Variants in GSK3B observed in about 807,000 individuals in gnomAD.
GSK3B encodes glycogen synthase kinase-3 beta.
A neutral mutation model predicts 56.4 loss-of-function variants in GSK3B; 15 were observed. That is an observed-to-expected ratio of 0.27 (90% confidence interval 0.18 to 0.41). The LOEUF (loss-of-function observed/expected upper bound fraction) is 0.41. Among genes scored for constraint, GSK3B ranks in the 10% least tolerant of loss-of-function variants. The pLI, the probability that GSK3B is intolerant of heterozygous loss-of-function variation, is 1.00. For synonymous variants in GSK3B, 181 were observed against 188.9 expected (o/e 0.96, Z 0.34); for missense variants, 300 against 513.4 (o/e 0.58, Z 4.02).
intron 1 of GSK3B, among the ~76,000 whole-genome samples, chr3:120,071,698 T>C (rs1331393222): frequency 3.9e-5 from 6 of 152,160 alleles, no homozygotes; most frequent in Non-Finnish European, 5.9e-5. Flanking sequence ...CTATGATGAG[T>C]TGTATAACTA....
At chr3:119,861,775 T>C (rs1175491823) in intron 9 of GSK3B, among the ~76,000 whole-genome samples, 3 of 152,140 alleles carry the variant, frequency 2.0e-5, no homozygotes, top group Admixed American at 6.5e-5. Context: ...TTCAATAATA[T>C]ACTTAGTATG....
chr3:119,928,658 A>T (rs574822532), intron 3 of GSK3B, among the ~76,000 whole-genome samples: 6 of 150,990 alleles, frequency 4.0e-5, no homozygotes, highest in African/African-American at 1.5e-4. Context: ...ATAAGAAGCA[A>T]GATTCTAGAA....
At chr3:119,867,166 T>G (rs913114278) in intron 8 of GSK3B, among the ~76,000 whole-genome samples, 1 of 152,196 alleles carries the variant, frequency 6.6e-6, no homozygotes, top group African/African-American at 2.4e-5. Flanking sequence ...AGGAAAGTAA[T>G]AAATATATTT....
chr3:120,071,565 G>C (rs2058326994), intron 1 of GSK3B, among the ~76,000 whole-genome samples: 1 of 152,114 alleles, frequency 6.6e-6, no homozygotes, highest in African/African-American at 2.4e-5. Flanking sequence ...ACATGCGAGG[G>C]ATCTAGGTGC....
At chr3:120,071,266 ATTTTTATCTACTATCTAGTTC>A in intron 1 of GSK3B, among the ~76,000 whole-genome samples, 1 of 152,208 alleles carries the variant, frequency 6.6e-6, no homozygotes, top group Non-Finnish European at 1.5e-5. Flanking sequence ...CTCAGTGCTC[ATTTTTATCTACTATCTAGTTC>A]CCATCTTAAT....
At chr3:119,864,956 A>G (rs2056157627) in intron 8 of GSK3B, among the ~76,000 whole-genome samples, 1 of 152,184 alleles carries the variant, frequency 6.6e-6, no homozygotes, top group African/African-American at 2.4e-5. Flanking sequence ...ACCTTTTTGT[A>G]AGGTCAAAAC....
chr3:119,914,750 A>G (rs2056765109), intron 5 of GSK3B, among the ~76,000 whole-genome samples: 1 of 152,122 alleles, frequency 6.6e-6, no homozygotes, highest in Admixed American at 6.6e-5. Context: ...AACTCATGAC[A>G]GAACAGATTT....
intron 8 of GSK3B, among the ~76,000 whole-genome samples, chr3:119,864,634 G>A (rs899603534): frequency 6.6e-6 from 1 of 152,174 alleles, no homozygotes; most frequent in Admixed American, 6.5e-5. Context: ...AAAAGCCCAC[G>A]CAGATTGTGA....
chr3:119,970,592 A>T (rs2057356102), intron 2 of GSK3B, among the ~76,000 whole-genome samples: 1 of 148,540 alleles, frequency 6.7e-6, no homozygotes, highest in Non-Finnish European at 1.5e-5. Flanking sequence ...CAACACAGTG[A>T]AACCCCGTCT....
At chr3:120,025,466 G>C (rs187199002) in intron 1 of GSK3B, among the ~76,000 whole-genome samples, 1 of 152,228 alleles carries the variant, frequency 6.6e-6, no homozygotes, top group East Asian at 1.9e-4. Flanking sequence ...TGAATGCAGA[G>C]GGAATCACTT....
chr3:119,835,642 T>G (rs1265454739), intron 10 of GSK3B, among the ~76,000 whole-genome samples: 2 of 152,378 alleles, frequency 1.3e-5, no homozygotes, highest in South Asian at 4.1e-4. Flanking sequence ...ATACACTATA[T>G]GTTCTTGATA....
At chr3:119,865,657 G>C (rs1334156511) in intron 8 of GSK3B, among the ~76,000 whole-genome samples, 1 of 151,094 alleles carries the variant, frequency 6.6e-6, no homozygotes, top group Non-Finnish European at 1.5e-5. Context: ...TTTTAGTAGA[G>C]ATGGGGTTTC....
At chr3:120,046,209 T>C (rs1258740986) in intron 1 of GSK3B, among the ~76,000 whole-genome samples, 1 of 152,216 alleles carries the variant, frequency 6.6e-6, no homozygotes, top group East Asian at 1.9e-4. Context: ...TATGCATTTG[T>C]CAATACCCAC....
At chr3:120,060,883 T>A (rs543793754) in intron 1 of GSK3B, among the ~76,000 whole-genome samples, 1 of 152,336 alleles carries the variant, frequency 6.6e-6, no homozygotes, top group South Asian at 2.1e-4. Flanking sequence ...AGCAAGTCAG[T>A]CAGTCAATCT....
intron 10 of GSK3B, among the ~76,000 whole-genome samples, chr3:119,838,125 T>C (rs1461738683): frequency 6.6e-6 from 1 of 151,576 alleles, no homozygotes; most frequent in Non-Finnish European, 1.5e-5. Context: ...CCGTCTGTAC[T>C]AAAATTGCAA....
intron 9 of GSK3B, among the ~76,000 whole-genome samples, chr3:119,853,955 T>C (rs977234921): frequency 2.6e-5 from 4 of 152,240 alleles, no homozygotes; most frequent in Non-Finnish European, 5.9e-5. Context: ...TCCAACGCTA[T>C]GTTGAATAGG....
At chr3:119,978,786 C>T (rs545938728) in intron 2 of GSK3B, among the ~76,000 whole-genome samples, 4 of 152,310 alleles carry the variant, frequency 2.6e-5, no homozygotes, top group Admixed American at 6.5e-5. Context: ...TAAGATCTGC[C>T]GTCCCCTGGC....
At chr3:120,029,371 C>A in intron 1 of GSK3B, 1 of 766,144 alleles carries the variant, frequency 1.3e-6, no homozygotes. Context: ...ATGTTGCTGT[C>A]AACATTCAGT....
intron 2 of GSK3B, among the ~76,000 whole-genome samples, chr3:119,990,116 A>G (rs1345980027): frequency 6.6e-6 from 1 of 152,076 alleles, no homozygotes; most frequent in Non-Finnish European, 1.5e-5. Flanking sequence ...AACATCTCCA[A>G]CCAGAAACAT....
Sources: gnomAD v4.1 joint callset for allele counts (sites outside exome capture counted in the v4.1 genomes callset) on GRCh38, gnomAD v4.1.1 for gene constraint, MANE v1.5 for transcripts, NCBI Gene and HGNC (gene_info 2026-07-23, HGNC 2026-07-21) for gene names.